Variants in ADAMTS16 observed in about 807,000 individuals in gnomAD.
ADAMTS16 encodes the protein ADAM metallopeptidase with thrombospondin type 1 motif 16, also known as A disintegrin and metalloproteinase with thrombospondin motifs 16.
In ADAMTS16, 94 loss-of-function variants were observed where a neutral mutation model predicts 145.8. The observed-to-expected ratio is 0.64, with a 90% CI of 0.55 to 0.77. The LOEUF (loss-of-function observed/expected upper bound fraction) is 0.77. Among genes scored for constraint, ADAMTS16 ranks in the 30% least tolerant of loss-of-function variants. The pLI is 0.00. For missense variants in ADAMTS16, 1,585 were observed against 1,591.5 expected (o/e 1.00, Z 0.07); for synonymous variants, 659 against 604.3 (o/e 1.09, Z -1.33).
At chr5:5,261,420 G>A (rs1738017516) in intron 17 of ADAMTS16, among the ~76,000 whole-genome samples, 2 of 151,804 alleles carry the variant, frequency 1.3e-5, no homozygotes, top group South Asian at 4.2e-4. Context: ...TTACAAGTGC[G>A]AGCCACCATG....
chr5:5,162,443 C>T (rs1028995450), intron 3 of ADAMTS16, among the ~76,000 whole-genome samples: 2 of 152,156 alleles, frequency 1.3e-5, no homozygotes, highest in South Asian at 4.1e-4. Context: ...ACCAGGCATC[C>T]GTTATCTCCT....
intron 8 of ADAMTS16, among the ~76,000 whole-genome samples, chr5:5,196,946 T>C (rs552284913): frequency 2.0e-5 from 3 of 152,184 alleles, no homozygotes; most frequent in Non-Finnish European, 4.4e-5. Flanking sequence ...CTGTCTCCCA[T>C]TTTCTTCTCT....
intron 3 of ADAMTS16, among the ~76,000 whole-genome samples, chr5:5,166,590 G>T (rs1013323645): frequency 1.3e-5 from 2 of 152,112 alleles, no homozygotes; most frequent in South Asian, 4.1e-4. Context: ...AGGGTGATCT[G>T]GTTTATAAAT....
chr5:5,187,561 G>A (rs181096699), intron 5 of ADAMTS16, among the ~76,000 whole-genome samples, 164 bp from the exon 6 acceptor site: 20 of 152,276 alleles, frequency 1.3e-4, no homozygotes, highest in Middle Eastern at 3.4e-3. Context: ...CTGAAGCTTC[G>A]GCTTTTTACC....
intron 10 of ADAMTS16, among the ~76,000 whole-genome samples, chr5:5,213,834 C>T (rs528889564): frequency 1.3e-5 from 2 of 152,216 alleles, no homozygotes; most frequent in Non-Finnish European, 2.9e-5. Flanking sequence ...CTGTGGTCCT[C>T]TGCTAGGACA....
intron 10 of ADAMTS16, among the ~76,000 whole-genome samples, chr5:5,215,821 G>A (rs1736414900): frequency 8.0e-6 from 1 of 124,482 alleles, no homozygotes; most frequent in Non-Finnish European, 1.6e-5. Flanking sequence ...GTATATATAT[G>A]TGGTATATAT....
chr5:5,278,450 T>A (rs1738781717), intron 18 of ADAMTS16, among the ~76,000 whole-genome samples: 1 of 152,242 alleles, frequency 6.6e-6, no homozygotes, highest in African/African-American at 2.4e-5. Flanking sequence ...GAGCCCATGG[T>A]TACTCATTGT....
chr5:5,152,541 G>T (rs146851915), intron 3 of ADAMTS16, among the ~76,000 whole-genome samples: 1 of 152,210 alleles, frequency 6.6e-6, no homozygotes, highest in South Asian at 2.1e-4. Context: ...GATGCAAGTG[G>T]CTTGCCTCCC....
chr5:5,220,177 T>G (rs986196889), intron 10 of ADAMTS16, among the ~76,000 whole-genome samples: 9 of 134,694 alleles, frequency 6.7e-5, no homozygotes, highest in Admixed American at 4.5e-4. Flanking sequence ...TTTTTTTTTT[T>G]GAGATGGAGT....
chr5:5,300,772 C>A (rs567275600), intron 18 of ADAMTS16, among the ~76,000 whole-genome samples: 1 of 152,172 alleles, frequency 6.6e-6, no homozygotes, highest in Admixed American at 6.5e-5. Flanking sequence ...GAGTCCAAAC[C>A]TTGGCTCTAA....
chr5:5,296,891 A>T (rs1363970482), intron 18 of ADAMTS16, among the ~76,000 whole-genome samples: 1 of 152,164 alleles, frequency 6.6e-6, no homozygotes, highest in African/African-American at 2.4e-5. Flanking sequence ...GTCCATAGCA[A>T]AGGTAATTGT....
chr5:5,255,933 G>A (rs1737764749), intron 17 of ADAMTS16, among the ~76,000 whole-genome samples: 1 of 151,996 alleles, frequency 6.6e-6, no homozygotes, highest in African/African-American at 2.4e-5. Flanking sequence ...AGTATTTAAG[G>A]CCATGAATTG....
chr5:5,176,607 CA>C (rs894424611), intron 3 of ADAMTS16, among the ~76,000 whole-genome samples: 5 of 151,602 alleles, frequency 3.3e-5, no homozygotes, highest in African/African-American at 9.7e-5. Context: ...TTTTAACGTA[CA>C]AAAAAAATCA....
intron 2 of ADAMTS16, chr5:5,142,307 G>A (rs1734190114): frequency 6.6e-6 from 1 of 152,168 alleles, no homozygotes; most frequent in South Asian, 2.1e-4. Flanking sequence ...CTGAACACCT[G>A]GCACCACAGT....
chr5:5,175,160 G>A (rs541012638), intron 3 of ADAMTS16, among the ~76,000 whole-genome samples: 4 of 152,158 alleles, frequency 2.6e-5, no homozygotes, highest in African/African-American at 7.2e-5. Context: ...GGCCCATGTC[G>A]AGTACTGCCT....
intron 21 of ADAMTS16, among the ~76,000 whole-genome samples, chr5:5,315,820 A>G (rs746688158): frequency 1.3e-5 from 2 of 151,960 alleles, no homozygotes; most frequent in Non-Finnish European, 2.9e-5. Context: ...ATCTCCCCAC[A>G]TTATTTTTTC....
At chr5:5,170,935 C>T (rs1735027069) in intron 3 of ADAMTS16, among the ~76,000 whole-genome samples, 1 of 152,096 alleles carries the variant, frequency 6.6e-6, no homozygotes, top group African/African-American at 2.4e-5. Context: ...AAACTTTGCC[C>T]ATTCTAGTGT....
chr5:5,308,605 C>T (rs1740284527), intron 21 of ADAMTS16, among the ~76,000 whole-genome samples: 1 of 152,200 alleles, frequency 6.6e-6, no homozygotes, highest in Non-Finnish European at 1.5e-5. Context: ...AGACAGCTGC[C>T]TGGACACGCT....
intron 8 of ADAMTS16, among the ~76,000 whole-genome samples, chr5:5,196,594 G>C (rs767965912): frequency 6.6e-6 from 1 of 152,152 alleles, no homozygotes; most frequent in Non-Finnish European, 1.5e-5. Flanking sequence ...TTTCTTGTCT[G>C]TTTCTGTGTC....
Sources: allele counts gnomAD v4.1 joint callset (sites outside exome capture counted in the v4.1 genomes callset), GRCh38; gene constraint gnomAD v4.1.1; transcripts MANE v1.5; gene names NCBI Gene and HGNC (gene_info 2026-07-23, HGNC 2026-07-21).